Variants in EVI5 observed in about 807,000 individuals in gnomAD.
EVI5 encodes ecotropic viral integration site 5 protein homolog.
EVI5 carries 73 observed loss-of-function variants against 112.0 expected under a neutral mutation model. That is an observed-to-expected ratio of 0.65 (90% CI 0.54 to 0.79). The LOEUF (loss-of-function observed/expected upper bound fraction) is 0.79, where lower values mean the gene tolerates loss of function less well. EVI5 is among the 30% of genes least tolerant of loss of function. The pLI is 0.00. For synonymous variants in EVI5, 305 were observed against 319.9 expected, an observed-to-expected ratio of 0.95 and a Z score of 0.50; for missense variants, 900 against 968.8, an observed-to-expected ratio of 0.93 and a Z score of 0.94.
At chr1:92,642,117 C>T (rs912988970) in intron 13 of EVI5, among the ~76,000 whole-genome samples, 1 of 151,584 alleles carries the variant, frequency 6.6e-6, no homozygotes, top group Non-Finnish European at 1.5e-5. Context: ...GGCAACAGAG[C>T]GATACTCCAT....
chr1:92,673,529 G>C (rs1332431841), intron 10 of EVI5, among the ~76,000 whole-genome samples: 1 of 151,968 alleles, frequency 6.6e-6, no homozygotes, highest in Non-Finnish European at 1.5e-5. Context: ...ATGGGGTCTT[G>C]CTATGTTGTC....
chr1:92,791,817 A>G (rs11164812), intron 1 of EVI5, among the ~76,000 whole-genome samples: 138,480 of 152,204 alleles, frequency 0.91, 63,076 homozygotes, highest in South Asian at 0.97. Flanking sequence ...AAATTTATGT[A>G]GCTTTTATTA....
rs562374132 is a variant in EVI5, at chr1:92,773,161, G to A, written c.-82+11675C>T. Among the ~76,000 whole-genome samples the A allele has an allele frequency of 1.0e-4, 15 of 146,418 alleles. No homozygotes were observed. In the South Asian group the frequency reaches 1.7e-3, roughly 17 times the overall value. On this transcript the variant is annotated intron_variant, in intron 1 of 19. Transcript: ENST00000684568. Reference sequence around the variant, plus strand: ...GCAGAGGTTGCAGTGAGCCGAGATCGTGCCATTGCACTCCAGCCTGAGCAA... The same window carrying A: ...GCAGAGGTTGCAGTGAGCCGAGATCATGCCATTGCACTCCAGCCTGAGCAA...
intron 18 of EVI5, among the ~76,000 whole-genome samples, chr1:92,581,518 T>C (rs1671921746): frequency 6.6e-6 from 1 of 152,214 alleles, no homozygotes. Context: ...TCTCCTGGGA[T>C]TTTGCTGACT....
intron 10 of EVI5, among the ~76,000 whole-genome samples, chr1:92,672,690 C>T (rs1218578466): frequency 6.6e-6 from 1 of 152,132 alleles, no homozygotes; most frequent in Non-Finnish European, 1.5e-5. Context: ...GTGCCTAGAA[C>T]AGTGCTTGGG....
chr1:92,517,633 A>T (rs1308317287), intron 19 of EVI5, among the ~76,000 whole-genome samples: 4 of 152,234 alleles, frequency 2.6e-5, no homozygotes, highest in African/African-American at 9.6e-5. Flanking sequence ...TTCCGGGCCA[A>T]TTCTACCACC....
At position 92,759,113 on chromosome 1, in the gene EVI5, C is replaced by T. The variant is rs1681414302; in HGVS notation, c.-81-22486G>A. ...GGTGTGGTGGCGCACGTTCCAGATA[C>T]TTAGGAGGCTGAGGAGGGAGAACTG... is the stretch of plus-strand genomic sequence containing the variant. On this transcript the variant is annotated intron_variant, in intron 1 of 19. Transcript: ENST00000684568. Among the ~76,000 whole-genome samples the T allele has an allele frequency of 2.0e-5, 3 of 152,050 alleles. No homozygotes were observed. The South Asian group carries it at 6.2e-4, about 31-fold the overall frequency.
chr1:92,512,940 A>C lies in EVI5; in HGVS notation c.*716T>G, dbSNP rs974982804. ...GGCGGGTGGATCACTTGAGGTTAGG[A>C]GTTCGAGACCAGCCCAGCCAACATG... On this transcript the variant is annotated 3_prime_UTR_variant, in exon 20 of 20. Transcript: ENST00000684568. 9 of 152,058 alleles carry C rather than the reference A, an allele frequency of 5.9e-5. No homozygotes were observed. Among genetic ancestry groups the C allele is most frequent in the African/African-American group, 2.2e-4 (9 of 41,404 alleles). The allele number at this position is 152,058 out of a possible 1,614,324, so 9.4% of individuals were successfully genotyped here.
At chr1:92,682,092 G>T (rs1049008782) in intron 9 of EVI5, among the ~76,000 whole-genome samples, 5 of 152,154 alleles carry the variant, frequency 3.3e-5, no homozygotes, top group African/African-American at 1.2e-4. Context: ...GATTATAGGT[G>T]TGAGCCACTG....
intron 16 of EVI5, among the ~76,000 whole-genome samples, chr1:92,619,776 T>G (rs961276759): frequency 1.3e-5 from 2 of 151,838 alleles, no homozygotes; most frequent in Non-Finnish European, 2.9e-5. Flanking sequence ...ATTTTTTTTT[T>G]GTTAAAGAAA....
At chr1:92,741,517 C>A (rs1678402897) in intron 1 of EVI5, among the ~76,000 whole-genome samples, 1 of 152,100 alleles carries the variant, frequency 6.6e-6, no homozygotes, top group South Asian at 2.1e-4. Flanking sequence ...TATTACATAA[C>A]AAACTCTATT....
chr1:92,760,526 G>A (rs1681665185), intron 1 of EVI5, among the ~76,000 whole-genome samples: 1 of 151,856 alleles, frequency 6.6e-6, no homozygotes, highest in Non-Finnish European at 1.5e-5. Context: ...GAGGTCAGGA[G>A]TTCGAGACCA....
chr1:92,714,441 A>G (rs1673306726), intron 2 of EVI5, among the ~76,000 whole-genome samples: 1 of 152,204 alleles, frequency 6.6e-6, no homozygotes, highest in Non-Finnish European at 1.5e-5. Flanking sequence ...CTTTAGATAT[A>G]TAACTTACAT....
chr1:92,639,705 T>C (rs1309671253), intron 13 of EVI5, among the ~76,000 whole-genome samples: 1 of 152,206 alleles, frequency 6.6e-6, no homozygotes, highest in East Asian at 1.9e-4. Flanking sequence ...AAAGTAATTA[T>C]AGATTCAATG....
intron 16 of EVI5, among the ~76,000 whole-genome samples, chr1:92,610,213 A>T (rs1651443892): frequency 6.6e-6 from 1 of 152,204 alleles, no homozygotes; most frequent in Non-Finnish European, 1.5e-5. Flanking sequence ...TCAACAAATA[A>T]GTCTGTCTAC....
rs1659083786 is a variant in EVI5 at position 92,509,820 on chromosome 1, A to C, written c.*3836T>G. 4 of 152,230 alleles carry C rather than the reference A, an allele frequency of 2.6e-5. No individual in the cohort carries two copies. Among genetic ancestry groups the C allele is most frequent in the Admixed American group, 2.6e-4 (4 of 15,284 alleles). The allele number at this position is 152,230 out of a possible 1,614,324, so 9.4% of individuals were successfully genotyped here. On this transcript the variant is annotated 3_prime_UTR_variant, in exon 20 of 20. Coordinates refer to ENST00000684568, the MANE Select transcript of EVI5 (RefSeq NM_001350197.2). ...AGGAAGGTAACTGTCCCAAGGGAGC[A>C]AGCTTTCTTATTATGAGTCATTTCA...
intron 1 of EVI5, among the ~76,000 whole-genome samples, chr1:92,741,372 G>A (rs1051539628): frequency 2.0e-5 from 3 of 152,158 alleles, no homozygotes; most frequent in Admixed American, 6.5e-5. Context: ...ATAGTAAGTT[G>A]AGGAGTATCT....
chr1:92,599,363 G>C (rs1263511038), intron 18 of EVI5, among the ~76,000 whole-genome samples: 1 of 151,960 alleles, frequency 6.6e-6, no homozygotes, highest in African/African-American at 2.4e-5. Context: ...AAAAATCTTA[G>C]ACTAAGTTGA....
At position 92,697,858 on chromosome 1, in the gene EVI5, AC is replaced by A. The variant is rs761566918; in HGVS notation, c.765+1del. 6.2e-7 allele frequency: 1 copy of A among 1,610,836 alleles called. No individual in the cohort carries two copies. The highest frequency in any genetic ancestry group is 1.1e-5 in the South Asian group (1 of 90,096). On this transcript the variant is annotated splice_donor_variant, in intron 6 of 19. Coordinates refer to ENST00000684568, the MANE Select transcript of EVI5 (RefSeq NM_001350197.2). LOFTEE classifies it high-confidence loss of function. ...GCCTTTTTATCAACACTGCACTTTTACCTGTATCATACATTCAAACTGGTAC... is the reference window on the plus strand; with the variant it reads ...GCCTTTTTATCAACACTGCACTTTTACTGTATCATACATTCAAACTGGTAC...
Sources: allele counts gnomAD v4.1 joint callset (sites outside exome capture counted in the v4.1 genomes callset), GRCh38; gene constraint gnomAD v4.1.1; transcripts MANE v1.5; gene names NCBI Gene and HGNC (gene_info 2026-07-23, HGNC 2026-07-21).